The following BABAM2 variants were observed in gnomAD, a reference collection of about 807,000 sequenced individuals.
BABAM2 encodes the protein BRISC and BRCA1-A complex member 2.
A neutral mutation model predicts 54.7 loss-of-function variants in BABAM2; 31 were observed. The ratio of observed to expected loss-of-function variants is 0.57; its 90% CI spans 0.43 to 0.77. The LOEUF (loss-of-function observed/expected upper bound fraction) is 0.77, where lower values mean the gene tolerates loss of function less well. Ranked by LOEUF, BABAM2 falls within the 30% of genes least tolerant of loss-of-function variation. BABAM2 has a pLI of 0.00. For missense variants in BABAM2, 364 were observed against 455.8 expected, an observed-to-expected ratio of 0.80 and a Z score of 1.83; for synonymous variants, 167 against 162.9, an observed-to-expected ratio of 1.03 and a Z score of -0.19.
At chr2:27,890,483 G>A (rs2148241876), upstream of BABAM2, 2 of 704,948 alleles carry the variant, frequency 2.8e-6, no homozygotes, top group East Asian at 2.8e-5. The surrounding 1 kb of genome is among the most constrained non-coding windows in gnomAD (Gnocchi z 4.8). Context: ...CTGACTGCCC[G>A]AAATCACCCC....
intron 10 of BABAM2, among the ~76,000 whole-genome samples, chr2:28,248,201 C>CTTTTTCTTTTTCTTTTT (rs1683069518): frequency 7.9e-5 from 2 of 25,288 alleles, no homozygotes; most frequent in African/African-American, 1.7e-4. Context: ...TGTTTATTTT[C>CTTTTTCTTTTTCTTTTT]TTTTTCTTTT....
At position 28,132,468 on chromosome 2, in the gene BABAM2, A is replaced by G. The variant is rs117263370; in HGVS notation, c.680+3088A>G. ...TTCTTTCTTACGTTAAGAGCTCTCC[A>G]CAGCATACCCTTTTAGATCATTTTT... On this transcript the variant is annotated intron_variant, in intron 7 of 11. Coordinates refer to ENST00000379624, the MANE Select transcript of BABAM2 (RefSeq NM_199191.3). Among the ~76,000 whole-genome samples the G allele has an allele frequency of 2.3e-4, 35 of 152,038 alleles. No individual in the cohort carries two copies. In the East Asian group the frequency reaches 4.5e-3, roughly 19 times the overall value.
Position 28,042,790 on chromosome 2 carries a change from C to T in BABAM2, c.496-2935C>T, listed in dbSNP as rs559722964. 1.8e-4 allele frequency among the ~76,000 whole-genome samples: 27 copies of T among 151,808 alleles called. No individual in the cohort carries two copies. In the South Asian group the frequency reaches 4.8e-3, roughly 27 times the overall value. On this transcript the variant is annotated intron_variant, in intron 5 of 11. Coordinates refer to ENST00000379624, the MANE Select transcript of BABAM2 (RefSeq NM_199191.3). ...ATTTTAAAAATGATGTTTATAAGGC[C>T]GAGATGGGCCGATCACGAGGTCAGG...
At chr2:28,232,057 C>A (rs1299246529) in intron 7 of BABAM2, among the ~76,000 whole-genome samples, 1 of 152,062 alleles carries the variant, frequency 6.6e-6, no homozygotes, top group East Asian at 1.9e-4. Context: ...CATCCTGCCT[C>A]AGCCTCCCAA....
intron 7 of BABAM2, chr2:28,134,555 A>G (rs1226402405): frequency 6.6e-6 from 1 of 152,260 alleles, no homozygotes; most frequent in East Asian, 1.9e-4. Context: ...CTCTGTGCAT[A>G]AAAAGAGGAC....
intron 6 of BABAM2, among the ~76,000 whole-genome samples, chr2:28,086,324 A>G (rs1298669091): frequency 6.6e-6 from 1 of 152,212 alleles, no homozygotes; most frequent in East Asian, 1.9e-4. Context: ...TTTGTCTTTG[A>G]GTTCGTAGAA....
upstream of BABAM2, among the ~76,000 whole-genome samples, chr2:27,889,368 G>C (rs979302577): frequency 2.0e-5 from 3 of 152,118 alleles, no homozygotes; most frequent in East Asian, 1.9e-4. Flanking sequence ...TAGCATACCT[G>C]ATCATTTTTA....
At position 28,246,898 on chromosome 2, in the gene BABAM2, G is replaced by A. The variant is rs938537642; in HGVS notation, c.934+2036G>A. 2.5e-4 allele frequency among the ~76,000 whole-genome samples: 38 copies of A among 152,172 alleles called. 1 individual carries two copies. The highest frequency in any genetic ancestry group is 8.7e-4 in the African/African-American group (36 of 41,450). On this transcript the variant is annotated intron_variant, in intron 10 of 11. Coordinates refer to ENST00000379624, the MANE Select transcript of BABAM2 (RefSeq NM_199191.3). ...CTCGTTTGTCAGTACATTCAGTAAT[G>A]TAGCTATTGCTGTTGCTTTTGAAGG...
chr2:27,942,383 C>A (rs535085907), intron 3 of BABAM2, among the ~76,000 whole-genome samples: 1 of 152,032 alleles, frequency 6.6e-6, no homozygotes, highest in African/African-American at 2.4e-5. Context: ...TTTTTTGAGA[C>A]AGGGTCTCGC....
chr2:27,989,365 T>C (rs1310488269), intron 4 of BABAM2, among the ~76,000 whole-genome samples: 1 of 152,168 alleles, frequency 6.6e-6, no homozygotes, highest in Non-Finnish European at 1.5e-5. Context: ...AGACTTGTAC[T>C]CATTCTTGAA....
chr2:27,984,165 T>C (rs1573326252), intron 3 of BABAM2, among the ~76,000 whole-genome samples: 1 of 152,004 alleles, frequency 6.6e-6, no homozygotes, highest in Non-Finnish European at 1.5e-5. Flanking sequence ...TAGCATGTTA[T>C]TTATTTTTAG....
At chr2:28,040,291 A>ATTTTTTTTTTTT (rs1204898070) in intron 5 of BABAM2, among the ~76,000 whole-genome samples, 13 of 97,222 alleles carry the variant, frequency 1.3e-4, no homozygotes, top group South Asian at 4.6e-4. Flanking sequence ...GAAAAACTGA[A>ATTTTTTTTTTTT]TTCTTTTTTT....
intron 11 of BABAM2, among the ~76,000 whole-genome samples, chr2:28,326,371 C>G (rs1289024785): frequency 6.6e-6 from 1 of 152,132 alleles, no homozygotes; most frequent in African/African-American, 2.4e-5. Flanking sequence ...GAGCAGAGGA[C>G]TCACCATCTG....
chr2:28,008,148 G>A (rs1674107890), intron 4 of BABAM2, among the ~76,000 whole-genome samples: 1 of 152,114 alleles, frequency 6.6e-6, no homozygotes, highest in Admixed American at 6.6e-5. Context: ...TGAAGTAACT[G>A]TATTACCCAG....
intron 7 of BABAM2, among the ~76,000 whole-genome samples, chr2:28,221,781 A>T (rs1417303003): frequency 1.3e-5 from 2 of 152,116 alleles, no homozygotes; most frequent in Admixed American, 1.3e-4. Flanking sequence ...CCTGCCTAGG[A>T]GGCAGAAGTC....
intron 4 of BABAM2, among the ~76,000 whole-genome samples, chr2:28,022,620 A>C (rs1675356822): frequency 2.6e-5 from 4 of 152,084 alleles, no homozygotes; most frequent in Admixed American, 2.6e-4. Flanking sequence ...TTTCTCTGTT[A>C]ATATGTGATG....
At chr2:28,303,873 T>A (rs1688301711) in intron 11 of BABAM2, among the ~76,000 whole-genome samples, 1 of 152,192 alleles carries the variant, frequency 6.6e-6, no homozygotes, top group Admixed American at 6.5e-5. Context: ...GAAATATTTT[T>A]AAATGTTTTT....
intron 7 of BABAM2, among the ~76,000 whole-genome samples, chr2:28,234,000 C>T (rs539403492): frequency 1.3e-5 from 2 of 152,272 alleles, no homozygotes; most frequent in African/African-American, 4.8e-5. Flanking sequence ...GGCCTGGCTC[C>T]CTGATAGCCA....
chr2:27,901,109 A>G (rs1194270568), intron 2 of BABAM2, among the ~76,000 whole-genome samples: 1 of 151,774 alleles, frequency 6.6e-6, no homozygotes, highest in Non-Finnish European at 1.5e-5. Flanking sequence ...TTACTCTTGC[A>G]GGTAAAATAC....
Sources: gnomAD v4.1 joint callset for allele counts (sites outside exome capture counted in the v4.1 genomes callset) on GRCh38, gnomAD v4.1.1 for gene constraint, Gnocchi (gnomAD v3.1) non-coding constraint, MANE v1.5 for transcripts, NCBI Gene and HGNC (gene_info 2026-07-23, HGNC 2026-07-21) for gene names.